The following FUT9 variants were observed in gnomAD, a reference collection of about 807,000 sequenced individuals.
FUT9 encodes fucosyltransferase 9.
Under a neutral mutation model 29.7 loss-of-function variants are expected in FUT9, and 15 were observed. The ratio of observed to expected loss-of-function variants is 0.51; its 90% confidence interval spans 0.34 to 0.78. The LOEUF is 0.78. FUT9 is among the 30% of genes least tolerant of loss of function. The pLI is 0.01. For missense variants in FUT9, 319 were observed against 425.4 expected (o/e 0.75, Z 2.20); for synonymous variants, 169 against 153.7 (o/e 1.10, Z -0.74).
intron 1 of FUT9, among the ~76,000 whole-genome samples, chr6:96,070,705 T>A (rs1333569354): frequency 6.6e-6 from 1 of 152,112 alleles, no homozygotes; most frequent in South Asian, 2.1e-4. Context: ...ATTAATTAAT[T>A]AATTTAATTA....
rs533200792 is a variant in FUT9 at position 96,214,056 on chromosome 6, G to A, written c.*9821G>A. On this transcript the variant is annotated 3_prime_UTR_variant, in exon 3 of 3. Coordinates refer to ENST00000302103, the MANE Select transcript of FUT9 (RefSeq NM_006581.4). ...AAAATGTTATTCATAGTGCTAATGA[G>A]CCAATAAACAATGCTGCGTTTCTTT... 20 of 166,990 alleles carry A rather than the reference G, an allele frequency of 1.2e-4. No individual in the cohort carries two copies. The highest frequency in any genetic ancestry group is 4.3e-4 in the African/African-American group (18 of 41,554). The allele number at this position is 166,990 out of a possible 1,614,324, so 10.3% of individuals were successfully genotyped here. A position where few individuals can be genotyped will look rare whatever the true frequency, so the allele number is the denominator to read the frequency against.
At chr6:96,171,340 G>A (rs902206703) in intron 2 of FUT9, among the ~76,000 whole-genome samples, 2 of 152,164 alleles carry the variant, frequency 1.3e-5, no homozygotes, top group South Asian at 4.1e-4. Flanking sequence ...GCTCAATAAT[G>A]TTCTTCACTC....
intron 2 of FUT9, among the ~76,000 whole-genome samples, chr6:96,180,801 A>G (rs1773292559): frequency 6.6e-6 from 1 of 151,942 alleles, no homozygotes; most frequent in Non-Finnish European, 1.5e-5. Context: ...ACAGTATTCT[A>G]TTGTGTATAT....
At chr6:96,120,458 T>A (rs6571051) in intron 2 of FUT9, among the ~76,000 whole-genome samples, 136,682 of 149,858 alleles carry the variant, frequency 0.91, 63,361 homozygotes, top group East Asian at 1. Flanking sequence ...ATTTTTTTTT[T>A]AATTTTAGTA....
intron 1 of FUT9, among the ~76,000 whole-genome samples, chr6:96,018,043 C>CA (rs1770008459): frequency 6.6e-6 from 1 of 152,100 alleles, no homozygotes; most frequent in Non-Finnish European, 1.5e-5. Context: ...AGTCCACTGA[C>CA]AAGGGGTGGT....
At chr6:96,098,922 C>T (rs577926928) in intron 1 of FUT9, among the ~76,000 whole-genome samples, 30 of 152,216 alleles carry the variant, frequency 2.0e-4, no homozygotes, top group African/African-American at 7.0e-4. Context: ...CTCCTTTGTG[C>T]TCTCATAAAA....
In FUT9 at chr6:96,093,955, C is replaced by T. The variant is rs75968348; in HGVS notation, c.-97-20084C>T. 6.4e-3 allele frequency among the ~76,000 whole-genome samples: 970 copies of T among 152,108 alleles called. 14 individuals carry two copies. The highest frequency in any genetic ancestry group is 0.021 in the African/African-American group (887 of 41,486). ...TACTGAACCCTAATTTGGTGCATTG[C>T]GAGCCAAGGATATGAAAGTTTTGCT... is the stretch of plus-strand genomic sequence containing the variant. On this transcript the variant is annotated intron_variant, in intron 1 of 2. Transcript: ENST00000302103.
chr6:96,036,142 C>T (rs1770362067), intron 1 of FUT9, among the ~76,000 whole-genome samples: 1 of 146,062 alleles, frequency 6.8e-6, no homozygotes, highest in Non-Finnish European at 1.5e-5. Flanking sequence ...CAAAAGAATA[C>T]TTTTGATTTT....
chr6:96,079,101 T>C (rs1157431650), intron 1 of FUT9, among the ~76,000 whole-genome samples: 1 of 152,206 alleles, frequency 6.6e-6, no homozygotes, highest in Non-Finnish European at 1.5e-5. Flanking sequence ...TACGTGCCCA[T>C]GTTCAGAGGC....
chr6:96,069,630 TTTTA>T (rs1461217137), intron 1 of FUT9, among the ~76,000 whole-genome samples: 387 of 32,164 alleles, frequency 0.012, 2 homozygotes, highest in South Asian at 0.048. Context: ...TTTTTTTATT[TTTTA>T]TTTTATTTTT....
intron 1 of FUT9, among the ~76,000 whole-genome samples, chr6:96,085,790 T>G (rs1203251905): frequency 1.3e-5 from 2 of 152,168 alleles, no homozygotes; most frequent in African/African-American, 4.8e-5. Context: ...ATCTCCACAA[T>G]GTACTCTACT....
chr6:96,059,836 G>A (rs956451039), intron 1 of FUT9, among the ~76,000 whole-genome samples: 6 of 152,008 alleles, frequency 3.9e-5, no homozygotes, highest in South Asian at 2.1e-4. Context: ...AGTCATATCC[G>A]GTCTCTGAAA....
At chr6:96,135,686 T>C (rs1562138101) in intron 2 of FUT9, among the ~76,000 whole-genome samples, 1 of 151,948 alleles carries the variant, frequency 6.6e-6, no homozygotes, top group East Asian at 1.9e-4. Context: ...TCAATGGGTA[T>C]AAAGTTTCTG....
intron 1 of FUT9, among the ~76,000 whole-genome samples, chr6:96,095,615 T>A (rs116330334): frequency 0.015 from 2,349 of 152,292 alleles, 46 homozygotes; most frequent in South Asian, 0.099. Flanking sequence ...GTTTGCTTTG[T>A]ACATCACTGG....
At chr6:96,114,610 A>G (rs1299619764) in intron 2 of FUT9, among the ~76,000 whole-genome samples, 1 of 150,994 alleles carries the variant, frequency 6.6e-6, no homozygotes, top group Non-Finnish European at 1.5e-5. Flanking sequence ...TGAATATAAG[A>G]ATATATTTAC....
intron 1 of FUT9, among the ~76,000 whole-genome samples, chr6:96,050,368 C>T (rs909993640): frequency 6.6e-6 from 1 of 152,170 alleles, no homozygotes; most frequent in Admixed American, 6.5e-5. Context: ...GTTCTGTTTA[C>T]CATCATTCCA....
chr6:96,099,264 T>G (rs1169479847), intron 1 of FUT9, among the ~76,000 whole-genome samples: 2 of 152,162 alleles, frequency 1.3e-5, no homozygotes, highest in African/African-American at 4.8e-5. Context: ...ACTTACAACA[T>G]TCTTACTATT....
chr6:96,094,112 C>T (rs965203235), intron 1 of FUT9, among the ~76,000 whole-genome samples: 7 of 152,084 alleles, frequency 4.6e-5, no homozygotes, highest in African/African-American at 1.7e-4. Flanking sequence ...ATTCAATAGT[C>T]CTCCCTTATT....
chr6:96,088,822 T>G (rs1167489372), intron 1 of FUT9, among the ~76,000 whole-genome samples: 1 of 152,208 alleles, frequency 6.6e-6, no homozygotes, highest in Non-Finnish European at 1.5e-5. Context: ...CTTGCATGAC[T>G]GGCTATTTTT....
Sources: gnomAD v4.1 joint callset for allele counts (sites outside exome capture counted in the v4.1 genomes callset) on GRCh38, gnomAD v4.1.1 for gene constraint, MANE v1.5 for transcripts, NCBI Gene and HGNC (gene_info 2026-07-23, HGNC 2026-07-21) for gene names.